ADAMTSL1: variants seen among roughly 807,000 people sequenced by gnomAD.
The protein encoded by ADAMTSL1 is ADAMTS-like protein 1.
In ADAMTSL1, 126 loss-of-function variants were observed where a neutral mutation model predicts 201.8. The ratio of observed to expected loss-of-function variants is 0.62; its 90% CI spans 0.54 to 0.72. ADAMTSL1 has a LOEUF of 0.72. Among genes scored for constraint, ADAMTSL1 ranks in the 30% least tolerant of loss-of-function variants. The probability of loss-of-function intolerance (pLI) is 0.00; values close to 1 mark genes in which losing one functional copy is unlikely to be tolerated. For synonymous variants in ADAMTSL1, 1,121 were observed against 903.4 expected, an observed-to-expected ratio of 1.24 and a Z score of -4.32; for missense variants, 2,679 against 2,277.8, an observed-to-expected ratio of 1.18 and a Z score of -3.59.
intron 1 of ADAMTSL1, among the ~76,000 whole-genome samples, chr9:18,089,330 C>G (rs900561267): frequency 6.6e-6 from 1 of 152,052 alleles, no homozygotes; most frequent in African/African-American, 2.4e-5. Flanking sequence ...ATGGATGAAG[C>G]TGGGAACCAT....
chr9:18,304,079 T>A (rs1461187881), intron 2 of ADAMTSL1, among the ~76,000 whole-genome samples: 1 of 152,204 alleles, frequency 6.6e-6, no homozygotes, highest in Non-Finnish European at 1.5e-5. Flanking sequence ...ATGTATCAAT[T>A]TAATATTTTT....
intron 2 of ADAMTSL1, among the ~76,000 whole-genome samples, chr9:18,387,500 A>G (rs999101625): frequency 3.9e-5 from 6 of 152,186 alleles, no homozygotes; most frequent in Admixed American, 1.3e-4. Flanking sequence ...CTAAATTTGT[A>G]GGCATCTATA....
chr9:18,233,734 G>C (rs1352577398), intron 2 of ADAMTSL1, among the ~76,000 whole-genome samples: 1 of 152,118 alleles, frequency 6.6e-6, no homozygotes, highest in Non-Finnish European at 1.5e-5. Flanking sequence ...GCCAGCTGTG[G>C]GCATTGCCAG....
chr9:18,824,397 A>C (rs1284095765), intron 21 of ADAMTSL1, among the ~76,000 whole-genome samples: 3 of 152,200 alleles, frequency 2.0e-5, no homozygotes, highest in Non-Finnish European at 4.4e-5. Flanking sequence ...TGTTAGAGCC[A>C]GATTAGCGTG....
At chr9:18,826,159 G>A (rs761083663) in intron 21 of ADAMTSL1, 125 bp from the exon 22 acceptor site, 1 of 1,146,336 alleles carries the variant, frequency 8.7e-7, no homozygotes, top group Non-Finnish European at 1.3e-6. Context: ...CCAAAGCCTG[G>A]TAGAAGATGT....
At chr9:18,649,800 T>C (rs544375533) in intron 7 of ADAMTSL1, among the ~76,000 whole-genome samples, 1 of 152,032 alleles carries the variant, frequency 6.6e-6, no homozygotes, top group East Asian at 1.9e-4. Flanking sequence ...CTGCCCCTAC[T>C]GGGGGGTGCC....
intron 10 of ADAMTSL1, among the ~76,000 whole-genome samples, chr9:18,676,449 T>G (rs1036789919): frequency 6.6e-6 from 1 of 152,170 alleles, no homozygotes; most frequent in African/African-American, 2.4e-5. Context: ...AGACATTTTT[T>G]CTAAACAAAA....
intron 2 of ADAMTSL1, among the ~76,000 whole-genome samples, chr9:18,260,201 T>C (rs1415093841): frequency 6.6e-6 from 1 of 152,216 alleles, no homozygotes; most frequent in East Asian, 1.9e-4. Context: ...AAATGGGGAC[T>C]GGCCAATTAA....
At chr9:18,178,451 G>C (rs1368279523) in intron 2 of ADAMTSL1, among the ~76,000 whole-genome samples, 3 of 152,146 alleles carry the variant, frequency 2.0e-5, no homozygotes, top group Admixed American at 6.5e-5. Flanking sequence ...GGCTGGGGGA[G>C]GGGCGCCCGC....
chr9:18,304,596 A>C (rs1182048411), intron 2 of ADAMTSL1, among the ~76,000 whole-genome samples: 1 of 152,216 alleles, frequency 6.6e-6, no homozygotes, highest in East Asian at 1.9e-4. Flanking sequence ...ACTACATCCA[A>C]ACACATTTGG....
rs376807298 is a variant in ADAMTSL1 at position 18,051,169 on chromosome 9, C to T, written c.88-112693C>T. On this transcript the variant is annotated intron_variant, in intron 1 of 29. Transcript: ENST00000680146. ...ACAAAAAATTAGCCGGGTGTGGTGG[C>T]GGGCGCCTGTAGCCCCAGCTACTTG... Among the ~76,000 whole-genome samples, 250 of 152,130 alleles carry T rather than the reference C, an allele frequency of 1.6e-3. 6 individuals are homozygous for T. In the South Asian group the frequency reaches 0.048, roughly 29 times the overall value.
intron 1 of ADAMTSL1, among the ~76,000 whole-genome samples, chr9:18,003,955 T>C (rs562909412): frequency 1.3e-5 from 2 of 151,906 alleles, no homozygotes; most frequent in Non-Finnish European, 2.9e-5. Flanking sequence ...ACTATTGAAG[T>C]TGGAAAAAAG....
intron 1 of ADAMTSL1, among the ~76,000 whole-genome samples, chr9:18,086,843 G>A (rs183871966): frequency 1.5e-3 from 223 of 152,218 alleles, no homozygotes; most frequent in African/African-American, 4.8e-3. Context: ...TATTAGCTTC[G>A]TATTTTTTTA....
intron 2 of ADAMTSL1, among the ~76,000 whole-genome samples, chr9:18,511,632 G>A (rs1587417523): frequency 1.3e-5 from 2 of 152,052 alleles, no homozygotes; most frequent in African/African-American, 2.4e-5. Context: ...CACAGGAATA[G>A]GAAAGATCAT....
At chr9:18,398,752 G>C (rs1370482903) in intron 2 of ADAMTSL1, among the ~76,000 whole-genome samples, 1 of 152,166 alleles carries the variant, frequency 6.6e-6, no homozygotes, top group Admixed American at 6.6e-5. Flanking sequence ...GGTCACTGAA[G>C]GGTTTTATAG....
chr9:18,147,899 A>G lies in ADAMTSL1; in HGVS notation c.88-15963A>G, dbSNP rs999442996. Among the ~76,000 whole-genome samples, 3 of 152,102 alleles carry G rather than the reference A, an allele frequency of 2.0e-5. No homozygotes were observed. In the East Asian group the frequency reaches 5.8e-4, roughly 29 times the overall value. On this transcript the variant is annotated intron_variant, in intron 1 of 29. Coordinates refer to the ADAMTSL1 transcript ENST00000680146. ...CACAGCATGAAGCTTTTATCTCCAT[A>G]TTGGAGATACCAGCTTCTCTTTGGC...
intron 7 of ADAMTSL1, among the ~76,000 whole-genome samples, chr9:18,645,368 G>A (rs1827739374): frequency 6.6e-6 from 1 of 152,094 alleles, no homozygotes; most frequent in Non-Finnish European, 1.5e-5. Flanking sequence ...AGTTTCTTTT[G>A]CTGTGCAGAA....
chr9:18,707,165 G>A (rs1832281236), intron 14 of ADAMTSL1, 117 bp downstream of exon 14: 3 of 1,285,026 alleles, frequency 2.3e-6, no homozygotes, highest in Admixed American at 2.6e-5. Flanking sequence ...GGAGGAGGAG[G>A]GGAGGCAGCC....
chr9:18,185,226 T>C (rs1828682095), intron 2 of ADAMTSL1, among the ~76,000 whole-genome samples: 1 of 152,178 alleles, frequency 6.6e-6, no homozygotes, highest in East Asian at 1.9e-4. Context: ...ATTATTCCTC[T>C]GATGATGTTG....
Sources: allele counts gnomAD v4.1 joint callset (sites outside exome capture counted in the v4.1 genomes callset), GRCh38; gene constraint gnomAD v4.1.1; transcripts MANE v1.5; gene names NCBI Gene and HGNC (gene_info 2026-07-23, HGNC 2026-07-21).